AMPH: variants seen among roughly 807,000 people sequenced by gnomAD.
The protein encoded by AMPH is amphiphysin (Stiff-Mann syndrome with breast cancer 128kD autoantigen).
AMPH carries 49 observed loss-of-function variants against 99.1 expected under a neutral mutation model. The ratio of observed to expected loss-of-function variants is 0.49; its 90% confidence interval spans 0.39 to 0.63. The LOEUF (loss-of-function observed/expected upper bound fraction) is 0.63. Among genes scored for constraint, AMPH ranks in the 20% least tolerant of loss-of-function variants. The pLI, the probability that AMPH is intolerant of heterozygous loss-of-function variation, is 0.00. For missense variants in AMPH, 759 were observed against 863.4 expected (o/e 0.88, Z 1.52); for synonymous variants, 314 against 317.3 (o/e 0.99, Z 0.11).
chr7:38,414,721 A>T (rs1974674), intron 17 of AMPH, among the ~76,000 whole-genome samples: 46,119 of 151,814 alleles, frequency 0.3, 7,365 homozygotes, highest in African/African-American at 0.38. Context: ...TTGGAGTGCA[A>T]TGGTTAAGAT....
chr7:38,483,541 C>T (rs529767756), intron 5 of AMPH, among the ~76,000 whole-genome samples: 5 of 152,212 alleles, frequency 3.3e-5, no homozygotes, highest in African/African-American at 7.2e-5. Context: ...TTGCTTGTCT[C>T]AGAGCACTGA....
intron 1 of AMPH, among the ~76,000 whole-genome samples, chr7:38,574,898 A>G (rs1792176647): frequency 6.6e-6 from 1 of 151,984 alleles, no homozygotes; most frequent in Admixed American, 6.5e-5. Flanking sequence ...TACTAAAAAT[A>G]CAAAAATTAG....
intron 13 of AMPH, among the ~76,000 whole-genome samples, chr7:38,430,964 G>A (rs778923331): frequency 1.3e-5 from 2 of 152,302 alleles, no homozygotes; most frequent in South Asian, 4.1e-4. Context: ...TAGATCTATC[G>A]AACTTTCCTT....
chr7:38,525,302 AG>A, intron 2 of AMPH, among the ~76,000 whole-genome samples: 1 of 142,344 alleles, frequency 7.0e-6, no homozygotes, highest in Non-Finnish European at 1.5e-5. Flanking sequence ...AGAGAGAGAG[AG>A]AGAGAGAGAG....
intron 17 of AMPH, 48 bp from the exon 18 acceptor site, chr7:38,394,262 T>C: frequency 6.3e-7 from 1 of 1,594,380 alleles, no homozygotes; most frequent in Non-Finnish European, 8.6e-7. Context: ...CATGGGCCTC[T>C]GCCAGGAGTC....
chr7:38,628,087 T>G (rs1364761544), intron 1 of AMPH, among the ~76,000 whole-genome samples: 2 of 152,186 alleles, frequency 1.3e-5, no homozygotes, highest in African/African-American at 4.8e-5. Context: ...ACCCTTAGGC[T>G]TGATAAAGTT....
chr7:38,528,577 C>A (rs1189423229), intron 2 of AMPH, among the ~76,000 whole-genome samples: 1 of 151,982 alleles, frequency 6.6e-6, no homozygotes, highest in Non-Finnish European at 1.5e-5. Flanking sequence ...ATAGTAATAT[C>A]CTTTGTTTCA....
chr7:38,492,012 T>C (rs1323503861), intron 4 of AMPH, among the ~76,000 whole-genome samples: 3 of 152,200 alleles, frequency 2.0e-5, no homozygotes, highest in Non-Finnish European at 4.4e-5. Context: ...TTCAGGCAAA[T>C]AGCAGGTACT....
chr7:38,441,808 A>ATATATCTG (rs1562757514), intron 11 of AMPH, among the ~76,000 whole-genome samples: 12 of 61,544 alleles, frequency 1.9e-4, no homozygotes, highest in East Asian at 8.3e-4. Context: ...TCATATATAT[A>ATATATCTG]TCATATATAT....
chr7:38,593,078 T>C (rs1792919771), intron 1 of AMPH, among the ~76,000 whole-genome samples: 3 of 152,224 alleles, frequency 2.0e-5, no homozygotes, highest in Admixed American at 2.0e-4. Flanking sequence ...TGCAAGTACT[T>C]TGTTTCACTA....
chr7:38,589,852 C>T (rs1792791849), intron 1 of AMPH, among the ~76,000 whole-genome samples: 1 of 152,168 alleles, frequency 6.6e-6, no homozygotes, highest in South Asian at 2.1e-4. Flanking sequence ...AATGTTGGAC[C>T]TCCTCATAGG....
At chr7:38,467,919 G>A (rs966716530) in intron 7 of AMPH, among the ~76,000 whole-genome samples, 3 of 152,098 alleles carry the variant, frequency 2.0e-5, no homozygotes, top group African/African-American at 7.2e-5. Flanking sequence ...TAGAAGGTGG[G>A]TACAGATGGA....
At chr7:38,523,176 G>C (rs1386999550) in intron 2 of AMPH, among the ~76,000 whole-genome samples, 1 of 151,836 alleles carries the variant, frequency 6.6e-6, no homozygotes, top group African/African-American at 2.4e-5. Context: ...CAGTTGGAAG[G>C]GTCACGGTTT....
intron 1 of AMPH, among the ~76,000 whole-genome samples, chr7:38,599,112 A>G (rs1015668084): frequency 1.2e-4 from 19 of 152,182 alleles, no homozygotes; most frequent in African/African-American, 4.1e-4. Context: ...TTTCAAGTAA[A>G]TTGTGATAAA....
chr7:38,553,109 T>C (rs1336244577), intron 1 of AMPH, among the ~76,000 whole-genome samples: 1 of 152,234 alleles, frequency 6.6e-6, no homozygotes, highest in Non-Finnish European at 1.5e-5. Context: ...GGTCAATTCA[T>C]ACCTGTCTGG....
chr7:38,384,226 G>A lies in AMPH; in HGVS notation c.*592C>T, dbSNP rs1784290307. The A allele has an allele frequency of 6.6e-6, 1 of 152,580 alleles. No homozygotes were observed. Among genetic ancestry groups the A allele is most frequent in the South Asian group, 2.1e-4 (1 of 4,848 alleles). 9.5% of individuals were successfully genotyped at this position (152,580 alleles called of 1,614,324 possible). A position where few individuals can be genotyped will look rare whatever the true frequency, so the allele number is the denominator to read the frequency against. ...AGAGGCAAAGAGCTACAATGGAAAG[G>A]AAAGAAGCAACTATGTATATGTAGC... On this transcript the variant is annotated 3_prime_UTR_variant, in exon 21 of 21. Coordinates refer to ENST00000356264, the MANE Select transcript of AMPH (RefSeq NM_001635.4).
chr7:38,394,481 A>G (rs546207599), intron 17 of AMPH, among the ~76,000 whole-genome samples: 2 of 152,306 alleles, frequency 1.3e-5, no homozygotes, highest in South Asian at 4.1e-4. Flanking sequence ...AGTGACATAC[A>G]CCATTCCAAA....
At chr7:38,454,892 A>C (rs1354943739) in intron 11 of AMPH, among the ~76,000 whole-genome samples, 1 of 152,196 alleles carries the variant, frequency 6.6e-6, no homozygotes, top group African/African-American at 2.4e-5. Flanking sequence ...TTTTGCAAAC[A>C]CAATATTATG....
chr7:38,568,256 G>T (rs1387460102), intron 1 of AMPH, among the ~76,000 whole-genome samples: 2 of 152,176 alleles, frequency 1.3e-5, no homozygotes, highest in Admixed American at 6.5e-5. Flanking sequence ...ACGAGGTCAG[G>T]AGATCGAGAC....
Sources: gnomAD v4.1 joint callset for allele counts (sites outside exome capture counted in the v4.1 genomes callset) on GRCh38, gnomAD v4.1.1 for gene constraint, MANE v1.5 for transcripts, NCBI Gene and HGNC (gene_info 2026-07-23, HGNC 2026-07-21) for gene names.